The following LARGE1 variants were observed in gnomAD, a reference collection of about 807,000 sequenced individuals.
The protein encoded by LARGE1 is LARGE xylosyl- and glucuronyltransferase 1.
A neutral mutation model predicts 87.6 loss-of-function variants in LARGE1; 43 were observed. That is an observed-to-expected ratio of 0.49 (90% CI 0.38 to 0.63). The LOEUF is 0.63. LARGE1 is among the 30% of genes least tolerant of loss of function. The pLI, the probability that LARGE1 is intolerant of heterozygous loss-of-function variation, is 0.00. For synonymous variants in LARGE1, 434 were observed against 394.6 expected, an observed-to-expected ratio of 1.10 and a Z score of -1.18; for missense variants, 802 against 1,000.2, an observed-to-expected ratio of 0.80 and a Z score of 2.67.
intron 2 of LARGE1, among the ~76,000 whole-genome samples, chr22:33,695,108 C>T (rs962420795): frequency 9.3e-5 from 13 of 140,108 alleles, no homozygotes; most frequent in African/African-American, 2.9e-4. Flanking sequence ...TTCTTTCTTT[C>T]TTTTTTTTTT....
rs73409037 is a variant in LARGE1, at chr22:33,476,446, C to G, written c.788-44181G>C. On this transcript the variant is annotated intron_variant, in intron 6 of 14. Transcript: ENST00000397394. ...TTCGACTTGTCCCTCCTTTCTGGAC[C>G]AAACCAATGCACATCTTATACATAT... Among the ~76,000 whole-genome samples the G allele has an allele frequency of 6.3e-3, 964 of 152,274 alleles. 4 individuals are homozygous for G. Among genetic ancestry groups the G allele is most frequent in the African/African-American group, 0.021 (889 of 41,554 alleles).
chr22:33,517,814 A>T (rs776598431), intron 6 of LARGE1, among the ~76,000 whole-genome samples: 93 of 152,202 alleles, frequency 6.1e-4, no homozygotes, highest in Non-Finnish European at 9.3e-4. Context: ...GTCCTGCACT[A>T]TGTCTGTATC....
chr22:33,276,022 G>T (rs1054095421), intron 14 of LARGE1, among the ~76,000 whole-genome samples: 1 of 152,100 alleles, frequency 6.6e-6, no homozygotes, highest in Non-Finnish European at 1.5e-5. Context: ...CAACCCTAAC[G>T]CCTCTCAATC....
intron 2 of LARGE1, among the ~76,000 whole-genome samples, chr22:33,719,338 A>G (rs1024185714): frequency 6.6e-6 from 1 of 152,132 alleles, no homozygotes; most frequent in Non-Finnish European, 1.5e-5. Flanking sequence ...AGTGTAGCAT[A>G]AGTGCGCAGT....
intron 11 of LARGE1, among the ~76,000 whole-genome samples, chr22:33,207,942 C>T (rs539552048): frequency 1.3e-5 from 2 of 152,114 alleles, no homozygotes; most frequent in Non-Finnish European, 2.9e-5. Flanking sequence ...TCACAAATTC[C>T]ATTGAGTTTA....
intron 12 of LARGE1, among the ~76,000 whole-genome samples, chr22:33,289,396 C>A (rs1001740958): frequency 2.0e-4 from 31 of 152,210 alleles, no homozygotes; most frequent in African/African-American, 7.2e-4. Flanking sequence ...TGACTTCAGG[C>A]CCATTCTGCA....
At chr22:33,465,219 G>A (rs1434303369) in intron 6 of LARGE1, among the ~76,000 whole-genome samples, 2 of 152,190 alleles carry the variant, frequency 1.3e-5, no homozygotes, top group African/African-American at 4.8e-5. Flanking sequence ...AATATAGAAT[G>A]CTTCCACTGT....
At chr22:33,785,139 A>C (rs550255362) in intron 1 of LARGE1, among the ~76,000 whole-genome samples, 1 of 147,504 alleles carries the variant, frequency 6.8e-6, no homozygotes, top group Admixed American at 6.7e-5. Context: ...ATGTGTATAC[A>C]TACATATGTG....
intron 6 of LARGE1, among the ~76,000 whole-genome samples, chr22:33,551,114 T>C (rs572929898): frequency 2.0e-5 from 3 of 152,280 alleles, no homozygotes; most frequent in South Asian, 4.2e-4. Flanking sequence ...ATTCGTATAA[T>C]AGATACCCTA....
At chr22:33,143,658 C>A in the LARGE1 span, among the ~76,000 whole-genome samples, 1 of 151,764 alleles carries the variant, frequency 6.6e-6, no homozygotes, top group Non-Finnish European at 1.5e-5. Context: ...TAATTCTGGC[C>A]AAAAAGAAAG....
At chr22:33,343,127 T>C (rs1939344426) in intron 9 of LARGE1, among the ~76,000 whole-genome samples, 1 of 152,190 alleles carries the variant, frequency 6.6e-6, no homozygotes, top group Non-Finnish European at 1.5e-5. Flanking sequence ...TTTTGTTTGT[T>C]TGTTTGTTTG....
At chr22:33,465,621 T>A (rs2068575493) in intron 6 of LARGE1, among the ~76,000 whole-genome samples, 1 of 152,192 alleles carries the variant, frequency 6.6e-6, no homozygotes, top group African/African-American at 2.4e-5. Context: ...CATAAGGCGT[T>A]CTTTAAGTGT....
chr22:33,610,789 G>A (rs1227727164), intron 4 of LARGE1, among the ~76,000 whole-genome samples: 1 of 152,124 alleles, frequency 6.6e-6, no homozygotes, highest in African/African-American at 2.4e-5. Flanking sequence ...CAGGCCCAGA[G>A]GCCTAGGAAG....
intron 2 of LARGE1, among the ~76,000 whole-genome samples, chr22:33,738,644 G>T (rs997741205): frequency 6.6e-6 from 1 of 152,106 alleles, no homozygotes; most frequent in African/African-American, 2.4e-5. Flanking sequence ...TGGATCACGA[G>T]GTCAGGAGAT....
chr22:33,467,062 C>A (rs1362275898), intron 6 of LARGE1, among the ~76,000 whole-genome samples: 1 of 152,116 alleles, frequency 6.6e-6, no homozygotes, highest in Non-Finnish European at 1.5e-5. Context: ...TCTGTTCTCT[C>A]ATGTTGATCC....
intron 6 of LARGE1, among the ~76,000 whole-genome samples, chr22:33,497,110 G>A (rs2070174758): frequency 7.1e-6 from 1 of 139,876 alleles, no homozygotes; most frequent in Non-Finnish European, 1.5e-5. Flanking sequence ...GTCTCACTCT[G>A]TCACCCAGGA....
At chr22:33,817,512 G>A (rs949155241) in intron 1 of LARGE1, among the ~76,000 whole-genome samples, 15 of 152,034 alleles carry the variant, frequency 9.9e-5, no homozygotes, top group Non-Finnish European at 1.9e-4. Context: ...TACCCAGCAC[G>A]CTATCCATTG....
intron 1 of LARGE1, among the ~76,000 whole-genome samples, chr22:33,865,020 G>A (rs546120878): frequency 2.6e-5 from 4 of 152,332 alleles, no homozygotes; most frequent in East Asian, 1.9e-4. Context: ...AGCCGTGGGT[G>A]TCAGGCCCAG....
At chr22:33,831,559 A>G (rs538704678) in intron 1 of LARGE1, among the ~76,000 whole-genome samples, 1 of 152,270 alleles carries the variant, frequency 6.6e-6, no homozygotes, top group South Asian at 2.1e-4. Context: ...CCCTGGGGCC[A>G]GAGGAGCACT....
Sources: gnomAD v4.1 joint callset for allele counts (sites outside exome capture counted in the v4.1 genomes callset) on GRCh38, gnomAD v4.1.1 for gene constraint, MANE v1.5 for transcripts, NCBI Gene and HGNC (gene_info 2026-07-23, HGNC 2026-07-21) for gene names.